The following PARL variants were observed in gnomAD, a reference collection of about 807,000 sequenced individuals.
PARL encodes the protein presenilin associated rhomboid like, also known as presenilin-associated rhomboid-like protein, mitochondrial.
Under a neutral mutation model 51.6 loss-of-function variants are expected in PARL, and 44 were observed. The ratio of observed to expected loss-of-function variants is 0.85; its 90% confidence interval spans 0.67 to 1.10. PARL has a LOEUF of 1.10. Among genes scored for constraint, PARL ranks in the 50% least tolerant of loss-of-function variants. The pLI is 0.00. For synonymous variants in PARL, 172 were observed against 164.0 expected (o/e 1.05, Z -0.37); for missense variants, 441 against 469.5 (o/e 0.94, Z 0.56).
intron 4 of PARL, among the ~76,000 whole-genome samples, chr3:183,855,991 A>C (rs970028149): frequency 1.3e-5 from 2 of 151,150 alleles, no homozygotes; most frequent in African/African-American, 2.4e-5. Flanking sequence ...AACAAAAAAA[A>C]CCCCACAAAC....
At chr3:183,832,406 A>G (rs1195213174) in intron 9 of PARL, among the ~76,000 whole-genome samples, 1 of 152,014 alleles carries the variant, frequency 6.6e-6, no homozygotes, top group Non-Finnish European at 1.5e-5. Flanking sequence ...TTTTTAGTAG[A>G]GACGGGGTTT....
rs564256036 is a variant in PARL at position 183,881,845 on chromosome 3, T to C, written c.125+2877A>G. Among the ~76,000 whole-genome samples the C allele has an allele frequency of 8.5e-4, 129 of 152,262 alleles. 2 individuals are homozygous for C. The highest frequency in any genetic ancestry group is 3.0e-3 in the African/African-American group (123 of 41,540). On this transcript the variant is annotated intron_variant, in intron 1 of 9. Transcript: ENST00000317096. ...TTTTCTTGACCCCATCGTGAGTTAA[T>C]AGATGGTCAGTTAAAACAAAATATA...
intron 7 of PARL, among the ~76,000 whole-genome samples, chr3:183,835,253 C>T (rs1160459208): frequency 2.6e-5 from 4 of 151,656 alleles, no homozygotes; most frequent in Admixed American, 6.6e-5. Flanking sequence ...CATATAAAAA[C>T]GGTTGTTTCT....
At chr3:183,882,271 A>ATATATATATATATATATATATATT (rs1560442516) in intron 1 of PARL, among the ~76,000 whole-genome samples, 2 of 101,768 alleles carry the variant, frequency 2.0e-5, no homozygotes, top group Non-Finnish European at 4.0e-5. Context: ...ATATATATTT[A>ATATATATATATATATATATATATT]TATATATATA....
At chr3:183,849,448 A>C (rs781599026) in intron 4 of PARL, among the ~76,000 whole-genome samples, 1 of 152,238 alleles carries the variant, frequency 6.6e-6, no homozygotes, top group Non-Finnish European at 1.5e-5. Context: ...AGAAGAAATC[A>C]CGAGGGCAAC....
At chr3:183,832,838 G>A (rs759976459) in intron 9 of PARL, among the ~76,000 whole-genome samples, 15 of 152,242 alleles carry the variant, frequency 9.9e-5, no homozygotes, top group Non-Finnish European at 2.1e-4. Flanking sequence ...ATGGTGTGGT[G>A]GGGGTGGAAA....
In PARL at chr3:183,838,853, G is replaced by A. The variant is rs1313528614; in HGVS notation, c.828+1717C>T. Among the ~76,000 whole-genome samples the A allele has an allele frequency of 2.0e-5, 3 of 152,198 alleles. No individual in the cohort carries two copies. The East Asian group carries it at 5.8e-4, about 29-fold the overall frequency. ...CAAAATGCCCTCGCAGGTCCTTTCA[G>A]CTAATTAGAAAGGTCTCTTCACTCT... is the stretch of plus-strand genomic sequence containing the variant. On this transcript the variant is annotated intron_variant, in intron 7 of 9. Coordinates refer to ENST00000317096, the MANE Select transcript of PARL (RefSeq NM_018622.7).
intron 4 of PARL, 72 bp from the exon 5 acceptor site, chr3:183,844,398 T>C (rs1729709564): frequency 2.1e-6 from 2 of 945,810 alleles, no homozygotes; most frequent in Admixed American, 1.8e-5. Context: ...CATTACCCCC[T>C]TGTAAGATTC....
At chr3:183,882,314 TAC>T (rs1218984252) in intron 1 of PARL, among the ~76,000 whole-genome samples, 20 of 98,222 alleles carry the variant, frequency 2.0e-4, no homozygotes, top group Admixed American at 7.5e-4. Flanking sequence ...CACACATATA[TAC>T]ACACATATAT....
intron 4 of PARL, among the ~76,000 whole-genome samples, chr3:183,845,815 C>A (rs1214331807): frequency 6.6e-6 from 1 of 152,170 alleles, no homozygotes; most frequent in Non-Finnish European, 1.5e-5. Flanking sequence ...GAGAGTTAAT[C>A]ATCTTTACTA....
chr3:183,871,652 T>C (rs544280552), intron 1 of PARL, among the ~76,000 whole-genome samples: 12 of 151,994 alleles, frequency 7.9e-5, no homozygotes, highest in Non-Finnish European at 1.8e-4. Flanking sequence ...GTGACTTCCA[T>C]TGCTAAGAAG....
Position 183,842,307 on chromosome 3 carries a change from G to C in PARL, c.748C>G (p.Leu250Val), listed in dbSNP as rs1330863947. The C allele has an allele frequency of 6.2e-7, 1 of 1,612,308 alleles. No individual in the cohort carries two copies. The highest frequency in any genetic ancestry group is 8.5e-7 in the Non-Finnish European group (1 of 1,179,732). The change falls in exon 6 of 10, where the codon CTA becomes GTA. Residue 250 changes from leucine to valine, a missense_variant. Leu to Val is a conservative substitution (Grantham distance 32). Transcript: ENST00000317096. ...LGQEQFMAVY[L>V]SAGVISNFVS... Reference sequence around the variant, plus strand: ...GATTAAAGCATATTACCTGCAGATAGGTACACTGCCATGAACTGCTCTTGA... The same window carrying C: ...GATTAAAGCATATTACCTGCAGATACGTACACTGCCATGAACTGCTCTTGA...
chr3:183,868,778 T>G (rs1043536127), intron 1 of PARL, among the ~76,000 whole-genome samples: 7 of 152,240 alleles, frequency 4.6e-5, no homozygotes, highest in Admixed American at 3.9e-4. Flanking sequence ...GGAACAAATA[T>G]TTAAATGTAT....
At chr3:183,867,822 A>G (rs1476025100) in intron 2 of PARL, 43 bp downstream of exon 2, 1 of 1,433,654 alleles carries the variant, frequency 7.0e-7, no homozygotes, top group Non-Finnish European at 9.8e-7. Flanking sequence ...TTAACACTGC[A>G]TTTCTAGCAA....
intron 4 of PARL, among the ~76,000 whole-genome samples, chr3:183,855,982 A>AC (rs1486509716): frequency 2.0e-5 from 3 of 150,968 alleles, no homozygotes; most frequent in South Asian, 2.1e-4. Context: ...AAAAAAAAAA[A>AC]CAAAAAAAAC....
At chr3:183,858,404 G>T (rs1322447374) in intron 4 of PARL, among the ~76,000 whole-genome samples, 1 of 152,188 alleles carries the variant, frequency 6.6e-6, no homozygotes, top group Non-Finnish European at 1.5e-5. Flanking sequence ...GGGGCAAGGG[G>T]TCAAAGACTG....
At position 183,862,368 on chromosome 3, in the gene PARL, G is replaced by A. The variant is rs536782285; in HGVS notation, c.511+385C>T. Among the ~76,000 whole-genome samples the A allele has an allele frequency of 4.2e-4, 64 of 152,256 alleles. No individual in the cohort carries two copies. In the South Asian group the frequency reaches 0.013, roughly 31 times the overall value. ...AAGCCGGTTTCCTTATCTGTAAAAA[G>A]GGAGACAACTACTCTGTAAGCAACT... On this transcript the variant is annotated intron_variant, in intron 4 of 9. Coordinates refer to ENST00000317096, the MANE Select transcript of PARL (RefSeq NM_018622.7).
chr3:183,853,405 A>T (rs1300629368), intron 4 of PARL, among the ~76,000 whole-genome samples: 1 of 152,100 alleles, frequency 6.6e-6, no homozygotes, highest in East Asian at 1.9e-4. Context: ...TCTACTAAAA[A>T]GTACAAAAAT....
chr3:183,829,059 C>T (rs934737184), downstream of PARL, among the ~76,000 whole-genome samples: 1 of 152,228 alleles, frequency 6.6e-6, no homozygotes, highest in Non-Finnish European at 1.5e-5. Context: ...ACCTAGAAAG[C>T]AAAACCTGAA....
Sources: allele counts gnomAD v4.1 joint callset (sites outside exome capture counted in the v4.1 genomes callset), GRCh38; gene constraint gnomAD v4.1.1; transcripts MANE v1.5; gene names NCBI Gene and HGNC (gene_info 2026-07-23, HGNC 2026-07-21).